The following ROCK2 variants were observed in gnomAD, a reference collection of about 807,000 sequenced individuals.
ROCK2 encodes the protein Rho associated coiled-coil containing protein kinase 2.
ROCK2 carries 61 observed loss-of-function variants against 195.1 expected under a neutral mutation model. The ratio of observed to expected loss-of-function variants is 0.31; its 90% CI spans 0.25 to 0.39. The LOEUF is 0.39. ROCK2 is among the 10% of genes least tolerant of loss of function. The probability of loss-of-function intolerance (pLI) is 1.00; values close to 1 mark genes in which losing one functional copy is unlikely to be tolerated. For synonymous variants in ROCK2, 504 were observed against 545.5 expected, an observed-to-expected ratio of 0.92 and a Z score of 1.06; for missense variants, 1,109 against 1,637.4, an observed-to-expected ratio of 0.68 and a Z score of 5.57.
At chr2:11,271,115 G>A (rs903384797) in intron 3 of ROCK2, among the ~76,000 whole-genome samples, 1 of 152,088 alleles carries the variant, frequency 6.6e-6, no homozygotes, top group African/African-American at 2.4e-5. Flanking sequence ...GCTAGTGTGG[G>A]CTGGAGTTGT....
chr2:11,267,122 G>C (rs144449522), intron 3 of ROCK2, among the ~76,000 whole-genome samples: 2 of 152,178 alleles, frequency 1.3e-5, no homozygotes, highest in Middle Eastern at 3.4e-3. Context: ...TCCAAATTCT[G>C]TATCTCTTCC....
At chr2:11,333,429 T>C (rs1018948774) in intron 1 of ROCK2, among the ~76,000 whole-genome samples, 18 of 152,162 alleles carry the variant, frequency 1.2e-4, no homozygotes, top group Non-Finnish European at 1.9e-4. Flanking sequence ...CACTAGTAGA[T>C]ATAGAAGAAA....
chr2:11,252,957 A>AATAATG (rs1468797623), intron 3 of ROCK2, among the ~76,000 whole-genome samples: 3 of 125,630 alleles, frequency 2.4e-5, no homozygotes, highest in Non-Finnish European at 5.1e-5. Context: ...TAATAATAAT[A>AATAATG]ATAATAATAA....
At chr2:11,257,756 T>C (rs1388598023) in intron 3 of ROCK2, among the ~76,000 whole-genome samples, 1 of 151,300 alleles carries the variant, frequency 6.6e-6, no homozygotes, top group Non-Finnish European at 1.5e-5. Flanking sequence ...GATAGGTACT[T>C]TAGGAGATTC....
chr2:11,257,094 T>C (rs922552520), intron 3 of ROCK2, among the ~76,000 whole-genome samples: 2 of 151,612 alleles, frequency 1.3e-5, no homozygotes, highest in African/African-American at 2.4e-5. Flanking sequence ...AAAGATTATA[T>C]TAATAGATTA....
chr2:11,262,111 T>C (rs1558337449), intron 3 of ROCK2, among the ~76,000 whole-genome samples: 1 of 152,222 alleles, frequency 6.6e-6, no homozygotes, highest in African/African-American at 2.4e-5. Context: ...CACTAGTCTA[T>C]GAGTACCTAA....
chr2:11,186,228 C>G (rs1663193388), intron 32 of ROCK2, among the ~76,000 whole-genome samples: 1 of 152,186 alleles, frequency 6.6e-6, no homozygotes. Flanking sequence ...CTTCTCTAGA[C>G]TTATATATAA....
At chr2:11,296,407 T>C (rs1024621757) in intron 1 of ROCK2, among the ~76,000 whole-genome samples, 1 of 152,196 alleles carries the variant, frequency 6.6e-6, no homozygotes, top group African/African-American at 2.4e-5. Context: ...TAGTCAATTG[T>C]CAATTAAATA....
intron 1 of ROCK2, chr2:11,307,935 T>G: frequency 2.8e-6 from 4 of 1,405,428 alleles, no homozygotes; most frequent in Non-Finnish European, 3.7e-6. Context: ...CCTGGCCCTG[T>G]TAATGTCAGG....
At chr2:11,187,837 A>C (rs910967613) in intron 32 of ROCK2, among the ~76,000 whole-genome samples, 2 of 152,148 alleles carry the variant, frequency 1.3e-5, no homozygotes, top group African/African-American at 4.8e-5. Flanking sequence ...ATTGTATATA[A>C]CTTCATTATT....
chr2:11,295,692 C>T (rs992490585), intron 1 of ROCK2, among the ~76,000 whole-genome samples: 6 of 152,154 alleles, frequency 3.9e-5, no homozygotes, highest in African/African-American at 1.4e-4. Flanking sequence ...CATGATGGCT[C>T]ACGCCTGTAA....
At chr2:11,317,598 ATATATATATATATATTTTT>A (rs1189127968) in intron 1 of ROCK2, among the ~76,000 whole-genome samples, 1 of 15,772 alleles carries the variant, frequency 6.3e-5, no homozygotes, top group African/African-American at 2.0e-4. Context: ...ATATATATAT[ATATATATATATATATTTTT>A]TTTTTTTTTT....
chr2:11,335,108 TACACACACACACACACACACACACAC>T (rs59721285), intron 1 of ROCK2, among the ~76,000 whole-genome samples: 1 of 145,028 alleles, frequency 6.9e-6, no homozygotes, highest in Non-Finnish European at 1.5e-5. Flanking sequence ...CTTTGACTGA[TACACACACACACACACACACACACAC>T]ACACACACAC....
intron 4 of ROCK2, among the ~76,000 whole-genome samples, chr2:11,248,714 A>C (rs1200259990): frequency 2.0e-5 from 1 of 49,532 alleles, no homozygotes; most frequent in African/African-American, 4.2e-5. Context: ...ATCTCAAAAA[A>C]AAAAAAAAAA....
intron 3 of ROCK2, among the ~76,000 whole-genome samples, chr2:11,256,732 G>C (rs1275935626): frequency 6.6e-6 from 1 of 151,278 alleles, no homozygotes; most frequent in Admixed American, 6.6e-5. Context: ...AGTATTATAA[G>C]AGATAAGGTA....
intron 5 of ROCK2, among the ~76,000 whole-genome samples, chr2:11,228,720 A>G (rs918914996): frequency 6.6e-6 from 1 of 152,114 alleles, no homozygotes; most frequent in Non-Finnish European, 1.5e-5. Flanking sequence ...TAAGCTTTTA[A>G]AAAATTATAT....
chr2:11,255,009 A>C (rs1665973377), intron 3 of ROCK2, among the ~76,000 whole-genome samples: 1 of 151,892 alleles, frequency 6.6e-6, no homozygotes, highest in Non-Finnish European at 1.5e-5. Context: ...TGAGGTCAGG[A>C]GATTGAGACC....
chr2:11,299,834 C>G (rs1001234324), intron 1 of ROCK2, among the ~76,000 whole-genome samples: 1 of 152,208 alleles, frequency 6.6e-6, no homozygotes, highest in Non-Finnish European at 1.5e-5. Context: ...CAAGGCACAA[C>G]TCATCCTTAC....
Position 11,214,427 on chromosome 2 carries a change from C to T in ROCK2, c.1973G>A (p.Gly658Asp). The T allele has an allele frequency of 6.2e-7, 1 of 1,610,036 alleles. No individual in the cohort carries two copies. The highest frequency in any genetic ancestry group is 8.5e-7 in the Non-Finnish European group (1 of 1,177,162). The stretch of plus-strand genomic sequence containing the variant: ...TTCTACTTTCGCTAGTAAGATTTTG[C>T]CGTTCTTTAAATCTTCTTCTAGGCC... ...ICGLEEDLKN[G>D]KILLAKVELE... The change falls in exon 17 of 33, where the codon GGC becomes GAC. Residue 658 changes from glycine (G) to aspartate (D), a missense_variant. Physicochemically the swap from Gly to Asp is moderately conservative, Grantham distance 94. Transcript: ENST00000315872.
Sources: allele counts gnomAD v4.1 joint callset (sites outside exome capture counted in the v4.1 genomes callset), GRCh38; gene constraint gnomAD v4.1.1; transcripts MANE v1.5; gene names NCBI Gene and HGNC (gene_info 2026-07-23, HGNC 2026-07-21).